The following CNTN5 variants were observed in gnomAD, a reference collection of about 807,000 sequenced individuals.
CNTN5 encodes contactin-5.
A neutral mutation model predicts 129.1 loss-of-function variants in CNTN5; 77 were observed. The observed-to-expected ratio is 0.60, with a 90% CI of 0.50 to 0.72. The LOEUF (loss-of-function observed/expected upper bound fraction) is 0.72. Among genes scored for constraint, CNTN5 ranks in the 30% least tolerant of loss-of-function variants. The probability of loss-of-function intolerance (pLI) is 0.00; values close to 1 mark genes in which losing one functional copy is unlikely to be tolerated. For synonymous variants in CNTN5, 509 were observed against 465.6 expected (o/e 1.09, Z -1.20); for missense variants, 1,478 against 1,328.8 (o/e 1.11, Z -1.75).
At chr11:100,166,865 G>C (rs1947654799) in intron 13 of CNTN5, among the ~76,000 whole-genome samples, 1 of 151,770 alleles carries the variant, frequency 6.6e-6, no homozygotes, top group Non-Finnish European at 1.5e-5. Context: ...TAGTTTTAGA[G>C]TCATATGGTG....
At chr11:100,249,446 G>A (rs1809722157) in intron 16 of CNTN5, among the ~76,000 whole-genome samples, 1 of 152,032 alleles carries the variant, frequency 6.6e-6, no homozygotes, top group Admixed American at 6.6e-5. Context: ...AACACACTGT[G>A]CCCATTTTTC....
chr11:99,917,202 G>T (rs1369507365), intron 7 of CNTN5, among the ~76,000 whole-genome samples: 2 of 151,894 alleles, frequency 1.3e-5, no homozygotes, highest in Non-Finnish European at 2.9e-5. Flanking sequence ...TTACAATTAG[G>T]GTAATTATTG....
intron 3 of CNTN5, among the ~76,000 whole-genome samples, chr11:99,815,107 G>A (rs781508963): frequency 4.6e-5 from 7 of 152,044 alleles, no homozygotes; most frequent in South Asian, 2.1e-4. Context: ...TGAGGATTAC[G>A]GAGATTATAA....
At chr11:100,105,103 G>A (rs145470519) in intron 13 of CNTN5, among the ~76,000 whole-genome samples, 26 of 152,238 alleles carry the variant, frequency 1.7e-4, no homozygotes, top group Non-Finnish European at 3.2e-4. Flanking sequence ...TGCTTATTTT[G>A]CAATTCAGGA....
intron 13 of CNTN5, among the ~76,000 whole-genome samples, chr11:100,149,654 A>G (rs1946982793): frequency 6.6e-6 from 1 of 152,128 alleles, no homozygotes; most frequent in South Asian, 2.1e-4. Context: ...GCACTTTGGG[A>G]GGCCAAGGCA....
chr11:100,327,185 C>A (rs1271958331), intron 21 of CNTN5, among the ~76,000 whole-genome samples: 2 of 152,236 alleles, frequency 1.3e-5, no homozygotes, highest in East Asian at 3.8e-4. Flanking sequence ...ACACTCCCAG[C>A]CTCATCCTGC....
chr11:99,760,565 C>A (rs1944545392), intron 3 of CNTN5, among the ~76,000 whole-genome samples: 1 of 152,022 alleles, frequency 6.6e-6, no homozygotes, highest in Non-Finnish European at 1.5e-5. Flanking sequence ...TTATTTCTTG[C>A]TAAAAATGGT....
chr11:99,905,777 G>T (rs1455978267), intron 6 of CNTN5, among the ~76,000 whole-genome samples: 3 of 152,140 alleles, frequency 2.0e-5, no homozygotes, highest in Non-Finnish European at 4.4e-5. Flanking sequence ...CATGAGCATG[G>T]ACGCCTTTTC....
intron 9 of CNTN5, among the ~76,000 whole-genome samples, chr11:100,032,962 A>G (rs548130804): frequency 1.9e-4 from 29 of 152,228 alleles, no homozygotes; most frequent in African/African-American, 6.5e-4. Context: ...TAAAATGTCT[A>G]TTAATTTGCA....
chr11:99,897,491 T>C (rs1949237620), intron 6 of CNTN5, among the ~76,000 whole-genome samples: 1 of 151,576 alleles, frequency 6.6e-6, no homozygotes, highest in South Asian at 2.1e-4. Context: ...TGGTGTTGTA[T>C]TTTTAGCCTC....
chr11:99,596,648 T>G (rs575145261), intron 3 of CNTN5, among the ~76,000 whole-genome samples: 6 of 152,182 alleles, frequency 3.9e-5, no homozygotes, highest in Non-Finnish European at 8.8e-5. Flanking sequence ...TACCATTACA[T>G]AAACATGTGG....
chr11:99,093,548 T>C (rs1293363774), intron 1 of CNTN5, among the ~76,000 whole-genome samples: 2 of 151,854 alleles, frequency 1.3e-5, no homozygotes, highest in Admixed American at 1.3e-4. Context: ...ATGTGACCCA[T>C]GTTGGGAAGG....
At chr11:99,480,693 C>G (rs1013483993) in intron 2 of CNTN5, among the ~76,000 whole-genome samples, 5 of 152,112 alleles carry the variant, frequency 3.3e-5, no homozygotes, top group Non-Finnish European at 5.9e-5. Flanking sequence ...TTCATAACTT[C>G]TAATATGTAT....
At chr11:99,707,612 A>G (rs1400540662) in intron 3 of CNTN5, among the ~76,000 whole-genome samples, 2 of 151,706 alleles carry the variant, frequency 1.3e-5, no homozygotes, top group African/African-American at 4.8e-5. Context: ...ATTGTTTTTC[A>G]CAGGACTTGA....
chr11:99,543,455 G>A (rs1056046325), intron 2 of CNTN5, among the ~76,000 whole-genome samples: 3 of 152,104 alleles, frequency 2.0e-5, no homozygotes, highest in African/African-American at 7.2e-5. Context: ...TTGCACTTCT[G>A]ATATCAAATT....
chr11:99,773,788 T>C lies in CNTN5; in HGVS notation c.56-45756T>C, dbSNP rs546311856. Among the ~76,000 whole-genome samples the C allele has an allele frequency of 1.4e-4, 22 of 152,194 alleles. No individual in the cohort carries two copies. The East Asian group carries it at 3.5e-3, about 24-fold the overall frequency. Reference sequence around the variant, plus strand: ...TTAACTGATGACCCTGAGTCGACCATTGGCTGGAATTCAAGTTCATGAGCG... The same window carrying C: ...TTAACTGATGACCCTGAGTCGACCACTGGCTGGAATTCAAGTTCATGAGCG... On this transcript the variant is annotated intron_variant, in intron 3 of 24. Coordinates refer to ENST00000524871, the MANE Select transcript of CNTN5 (RefSeq NM_014361.4).
At chr11:99,753,349 C>G (rs903826334) in intron 3 of CNTN5, among the ~76,000 whole-genome samples, 1 of 151,628 alleles carries the variant, frequency 6.6e-6, no homozygotes, top group Admixed American at 6.6e-5. Flanking sequence ...GTCTCGATCT[C>G]CTGACCTCGT....
At chr11:99,889,836 C>CA (rs1949011707) in intron 6 of CNTN5, among the ~76,000 whole-genome samples, 1 of 152,162 alleles carries the variant, frequency 6.6e-6, no homozygotes, top group Non-Finnish European at 1.5e-5. Flanking sequence ...CATGAGCCAC[C>CA]ATGCCTGGTC....
chr11:100,010,751 C>A (rs1940477196), intron 9 of CNTN5, among the ~76,000 whole-genome samples: 1 of 152,100 alleles, frequency 6.6e-6, no homozygotes, highest in South Asian at 2.1e-4. Context: ...TCAACTGCAC[C>A]CCTTACTATA....
Sources: allele counts gnomAD v4.1 joint callset (sites outside exome capture counted in the v4.1 genomes callset), GRCh38; gene constraint gnomAD v4.1.1; transcripts MANE v1.5; gene names NCBI Gene and HGNC (gene_info 2026-07-23, HGNC 2026-07-21).